The following TECTA variants were observed in gnomAD, a reference collection of about 807,000 sequenced individuals.
The protein encoded by TECTA is tectorin alpha.
A neutral mutation model predicts 216.8 loss-of-function variants in TECTA; 128 were observed. That is an observed-to-expected ratio of 0.59 (90% CI 0.51 to 0.68). The LOEUF is 0.68. Among genes scored for constraint, TECTA ranks in the 30% least tolerant of loss-of-function variants. TECTA has a pLI of 0.00. For missense variants in TECTA, 2,551 were observed against 2,786.2 expected (o/e 0.92, Z 1.90); for synonymous variants, 1,089 against 1,117.1 (o/e 0.97, Z 0.50).
At chr11:121,183,069 C>T (rs531139338) in intron 20 of TECTA, among the ~76,000 whole-genome samples, 15 of 152,264 alleles carry the variant, frequency 9.9e-5, no homozygotes, top group African/African-American at 2.9e-4. Context: ...GCCTCCCTGG[C>T]GCACTGCATC....
chr11:121,117,507 A>G (rs1040839068), intron 6 of TECTA, among the ~76,000 whole-genome samples: 1 of 152,236 alleles, frequency 6.6e-6, no homozygotes, highest in Non-Finnish European at 1.5e-5. Flanking sequence ...TAAAGACTGC[A>G]TGTCTACCAA....
At chr11:121,138,066 G>T in intron 11 of TECTA, 44 bp downstream of exon 11, 1 of 1,611,806 alleles carries the variant, frequency 6.2e-7, no homozygotes, top group East Asian at 2.2e-5. Flanking sequence ...TCGTGGAGAC[G>T]TCAGGATGGG....
rs528378007 is a variant in TECTA at position 121,142,885 on chromosome 11, C to T, written c.3544-2670C>T. On this transcript the variant is annotated intron_variant, in intron 11 of 23. Transcript: ENST00000392793. ...TCTTGGCCCTCTGTCATCTCCTCTC[C>T]CTTCTGTGTCTTTCTACAGGGTCCT... Among the ~76,000 whole-genome samples, 3 of 152,274 alleles carry T rather than the reference C, an allele frequency of 2.0e-5. No individual in the cohort carries two copies. In the East Asian group the frequency reaches 5.8e-4, roughly 29 times the overall value.
chr11:121,107,577 T>C (rs1207847789), intron 3 of TECTA, among the ~76,000 whole-genome samples: 2 of 152,236 alleles, frequency 1.3e-5, no homozygotes, highest in African/African-American at 2.4e-5. Flanking sequence ...ACTTAACATA[T>C]GATTGGAATG....
chr11:121,190,584 G>A, intron 23 of TECTA, 122 bp from the exon 24 acceptor site: 1 of 773,788 alleles, frequency 1.3e-6, no homozygotes, highest in Non-Finnish European at 2.2e-6. Flanking sequence ...GGCCATTTAG[G>A]TAAAATGGGT....
intron 20 of TECTA, among the ~76,000 whole-genome samples, chr11:121,176,245 T>G (rs1285923808): frequency 2.0e-5 from 3 of 151,448 alleles, no homozygotes; most frequent in Non-Finnish European, 2.9e-5. Context: ...GTTAGCTGGT[T>G]ATTTTGCTCG....
chr11:121,137,124 A>G (rs1946735035), intron 10 of TECTA, among the ~76,000 whole-genome samples: 1 of 152,230 alleles, frequency 6.6e-6, no homozygotes, highest in Non-Finnish European at 1.5e-5. Context: ...ACACACATGG[A>G]TACTCACATG....
chr11:121,118,274 T>G (rs1165111242), intron 6 of TECTA, 32 bp from the exon 7 acceptor site: 1 of 1,613,454 alleles, frequency 6.2e-7, no homozygotes, highest in South Asian at 1.1e-5. Context: ...AAATGCTCAG[T>G]AAATGTTGGC....
Position 121,162,201 on chromosome 11 carries a change from C to T in TECTA, c.5103C>T (p.Phe1701=). 1 of 1,614,182 alleles carries T rather than the reference C, an allele frequency of 6.2e-7. No individual in the cohort carries two copies. Among genetic ancestry groups the T allele is most frequent in the African/African-American group, 1.3e-5 (1 of 75,052 alleles). The part of the protein sequence containing the change: ...CLKLTDMKGF[F]QPCYGLLDPL... ...AGCTCACCGACATGAAGGGCTTCTT[C>T]CAGCCCTGCTATGGGCTTCTCGATC... The change falls in exon 16 of 24, where the codon TTC becomes TTT. Residue 1701 remains phenylalanine (F), a synonymous_variant. Transcript: ENST00000392793.
chr11:121,119,518 G>A (rs1946536570), intron 7 of TECTA, among the ~76,000 whole-genome samples: 1 of 152,182 alleles, frequency 6.6e-6, no homozygotes, highest in African/African-American at 2.4e-5. Context: ...TACTCAATTT[G>A]TGCAGGCCCC....
rs1051644982 is a variant in TECTA, at chr11:121,167,395, G to A, written c.5586+615G>A. Among the ~76,000 whole-genome samples, 6 of 152,126 alleles carry A rather than the reference G, an allele frequency of 3.9e-5. No homozygotes were observed. The East Asian group carries it at 9.6e-4, about 24-fold the overall frequency. ...TGCAGTGAGCTATGAATGTACCACGGCACTCCATCCTGGGTGATAGTGAGA... is the reference window on the plus strand; with the variant it reads ...TGCAGTGAGCTATGAATGTACCACGACACTCCATCCTGGGTGATAGTGAGA... On this transcript the variant is annotated intron_variant, in intron 18 of 23. Transcript: ENST00000392793.
chr11:121,155,485 G>T (rs573889774), intron 13 of TECTA, among the ~76,000 whole-genome samples: 5 of 152,190 alleles, frequency 3.3e-5, no homozygotes, highest in Non-Finnish European at 5.9e-5. Context: ...TTCCAGGAAT[G>T]ACTTCACTTT....
intron 3 of TECTA, among the ~76,000 whole-genome samples, chr11:121,108,619 C>T (rs535721096): frequency 5.3e-5 from 8 of 149,694 alleles, no homozygotes; most frequent in Non-Finnish European, 8.9e-5. Context: ...TATACACACA[C>T]ACTCCCCACC....
chr11:121,171,553 A>G (rs1947112468), intron 20 of TECTA, among the ~76,000 whole-genome samples: 1 of 152,140 alleles, frequency 6.6e-6, no homozygotes, highest in African/African-American at 2.4e-5. Context: ...CTCCCAATCC[A>G]TAAGCATGAG....
At chr11:121,106,077 C>T in intron 3 of TECTA, 113 bp downstream of exon 3, 1 of 1,530,624 alleles carries the variant, frequency 6.5e-7, no homozygotes, top group Non-Finnish European at 9.0e-7. Flanking sequence ...GATTTATTGG[C>T]AGCCAAAACG....
Position 121,189,060 on chromosome 11 carries a change from C to T in TECTA, c.6163-20C>T, listed in dbSNP as rs781161992. On this transcript the variant is annotated intron_variant, in intron 21 of 23. Transcript: ENST00000392793. Reference sequence around the variant, plus strand: ...CAGCTTAATTGTGTGAAAATTTCCCCCTGGTATTCTGTCTTGCAGACTTGC... The same window carrying T: ...CAGCTTAATTGTGTGAAAATTTCCCTCTGGTATTCTGTCTTGCAGACTTGC... 9 of 1,613,446 alleles carry T rather than the reference C, an allele frequency of 5.6e-6. No individual in the cohort carries two copies. The African/African-American group carries it at 6.7e-5, about 12-fold the overall frequency.
chr11:121,119,152 T>C (rs749702507), intron 7 of TECTA, among the ~76,000 whole-genome samples: 1 of 152,070 alleles, frequency 6.6e-6, no homozygotes, highest in Non-Finnish European at 1.5e-5. Context: ...CCCAATTCAC[T>C]ACAGCCTTTG....
At chr11:121,109,572 G>A in intron 4 of TECTA, 74 bp downstream of exon 4, 1 of 1,569,768 alleles carries the variant, frequency 6.4e-7, no homozygotes, top group Non-Finnish European at 8.7e-7. Flanking sequence ...CTACCACGAA[G>A]GAGTCTAATT....
chr11:121,165,224 T>A lies in TECTA; in HGVS notation c.5273-49T>A, dbSNP rs113448975. 5 of 1,523,086 alleles carry A rather than the reference T, an allele frequency of 3.3e-6. No homozygotes were observed. In the African/African-American group the frequency reaches 5.5e-5, roughly 17 times the overall value. 94.3% of individuals were successfully genotyped at this position (1,523,086 alleles called of 1,614,324 possible). A position where few individuals can be genotyped will look rare whatever the true frequency, so the allele number is the denominator to read the frequency against. On this transcript the variant is annotated intron_variant, in intron 16 of 23. Transcript: ENST00000392793. ...GAGTGGAACCAAAAGCTACCGCATG[T>A]AGGTGTGAAAATGAAGTTGTGCATG...
Sources: allele counts gnomAD v4.1 joint callset (sites outside exome capture counted in the v4.1 genomes callset), GRCh38; gene constraint gnomAD v4.1.1; transcripts MANE v1.5; gene names NCBI Gene and HGNC (gene_info 2026-07-23, HGNC 2026-07-21).